The following CSPP1 variants were observed in gnomAD, a reference collection of about 807,000 sequenced individuals.
The protein encoded by CSPP1 is centrosome and spindle pole associated protein 1, also known as centrosome and spindle pole-associated protein 1.
In CSPP1, 126 loss-of-function variants were observed where a neutral mutation model predicts 164.4. That is an observed-to-expected ratio of 0.77 (90% CI 0.66 to 0.89). CSPP1 has a LOEUF of 0.89. CSPP1 is among the 40% of genes least tolerant of loss of function. The pLI, the probability that CSPP1 is intolerant of heterozygous loss-of-function variation, is 0.00. For synonymous variants in CSPP1, 472 were observed against 476.7 expected, an observed-to-expected ratio of 0.99 and a Z score of 0.13; for missense variants, 1,395 against 1,449.8, an observed-to-expected ratio of 0.96 and a Z score of 0.61.
In CSPP1 at chr8:67,115,952, C is replaced by T; in HGVS notation, c.1326C>T (p.His442=). The change falls in exon 13 of 31, where the codon CAC becomes CAT. Residue 442 remains histidine (H), a synonymous_variant. Coordinates refer to ENST00000678616, the MANE Select transcript of CSPP1 (RefSeq NM_001382391.1). ...RLKQFSVAPR[H]FEEMIPPERP... ...AGCAGTTTAGTGTGGCACCAAGACACTTTGAAGAGATGATACCACCTGAAA... is the reference window on the plus strand; with the variant it reads ...AGCAGTTTAGTGTGGCACCAAGACATTTTGAAGAGATGATACCACCTGAAA... 6.2e-7 allele frequency: 1 copy of T among 1,613,946 alleles called. No individual in the cohort carries two copies. The highest frequency in any genetic ancestry group is 1.3e-5 in the African/African-American group (1 of 74,984).
intron 15 of CSPP1, among the ~76,000 whole-genome samples, chr8:67,122,411 T>C (rs1158496521): frequency 6.6e-6 from 1 of 152,242 alleles, no homozygotes; most frequent in African/African-American, 2.4e-5. Flanking sequence ...CTACATCCCT[T>C]AAGTTTTGGT....
At chr8:67,172,385 G>A in intron 24 of CSPP1, 31 bp from the exon 25 acceptor site, 1 of 1,577,946 alleles carries the variant, frequency 6.3e-7, no homozygotes, top group East Asian at 2.2e-5. Context: ...TTCCTGTGAA[G>A]CACATATTAT....
intron 4 of CSPP1, among the ~76,000 whole-genome samples, chr8:67,090,347 C>A (rs1811352697): frequency 6.6e-6 from 1 of 152,064 alleles, no homozygotes; most frequent in South Asian, 2.1e-4. Context: ...TGCGGTGGTG[C>A]TGATCTTGGC....
chr8:67,088,645 C>T (rs1199009995), intron 4 of CSPP1, among the ~76,000 whole-genome samples: 6 of 149,104 alleles, frequency 4.0e-5, no homozygotes, highest in Non-Finnish European at 8.9e-5. Flanking sequence ...GCCTGTAATC[C>T]CAGTACTTTG....
At chr8:67,179,993 C>G in intron 28 of CSPP1, 67 bp downstream of exon 28, 1 of 872,370 alleles carries the variant, frequency 1.1e-6, no homozygotes, top group Non-Finnish European at 1.9e-6. Context: ...ACTTAAAAAC[C>G]AGTACTGTAT....
intron 8 of CSPP1, 66 bp downstream of exon 8, chr8:67,103,201 T>G: frequency 1.1e-6 from 1 of 913,892 alleles, no homozygotes. Context: ...TGCCTAAAAC[T>G]GGCTAACTGA....
At chr8:67,075,364 G>A (rs1373493414) in intron 2 of CSPP1, among the ~76,000 whole-genome samples, 5 of 151,044 alleles carry the variant, frequency 3.3e-5, no homozygotes, top group African/African-American at 1.2e-4. Context: ...CTGTTGTCCA[G>A]TGTTTTTTTC....
At chr8:67,135,809 C>G (rs1488853765) in intron 16 of CSPP1, 2 of 152,160 alleles carry the variant, frequency 1.3e-5, no homozygotes, top group East Asian at 3.9e-4. Context: ...TTCAGCCTGT[C>G]TATGCATTTG....
At chr8:67,125,515 A>AT (rs1819879118) in intron 15 of CSPP1, among the ~76,000 whole-genome samples, 2 of 151,800 alleles carry the variant, frequency 1.3e-5, no homozygotes, top group Admixed American at 1.3e-4. Context: ...TTTGCCCATT[A>AT]TTTTTTCCAA....
chr8:67,146,703 T>C (rs971994955), intron 17 of CSPP1, among the ~76,000 whole-genome samples: 1 of 152,218 alleles, frequency 6.6e-6, no homozygotes, highest in Admixed American at 6.5e-5. Context: ...TATTTTGATA[T>C]GTATTTTCCA....
rs190477728 is a variant in CSPP1, at chr8:67,145,825, C to T, written c.1976-3958C>T. ...GGCATGAGCCACCGTGCCCAGCCCC[C>T]TTTTCTAATTTTTTAATGTCGATGC... On this transcript the variant is annotated intron_variant, in intron 17 of 30. Coordinates refer to ENST00000678616, the MANE Select transcript of CSPP1 (RefSeq NM_001382391.1). Among the ~76,000 whole-genome samples the T allele has an allele frequency of 1.1e-4, 17 of 152,032 alleles. No individual in the cohort carries two copies. The East Asian group carries it at 3.1e-3, about 28-fold the overall frequency.
At chr8:67,191,477 T>C (rs1221687564) in intron 29 of CSPP1, among the ~76,000 whole-genome samples, 1 of 152,262 alleles carries the variant, frequency 6.6e-6, no homozygotes, top group East Asian at 1.9e-4. Context: ...ACCAGTCTAC[T>C]TTGGTTTCTA....
intron 21 of CSPP1, among the ~76,000 whole-genome samples, chr8:67,161,601 G>A (rs781722870): frequency 4.5e-4 from 68 of 151,990 alleles, no homozygotes; most frequent in African/African-American, 1.3e-3. Context: ...TAATAAAGAT[G>A]TCTAAATCCA....
intron 28 of CSPP1, among the ~76,000 whole-genome samples, chr8:67,184,823 G>C (rs1834034198): frequency 6.7e-6 from 1 of 149,484 alleles, no homozygotes; most frequent in South Asian, 2.1e-4. Context: ...CAGTCGGCCG[G>C]GCACGGTGGC....
rs138825611 is a variant in CSPP1, at chr8:67,162,035, G to A, written c.2643+120G>A. On this transcript the variant is annotated intron_variant, in intron 22 of 30. Transcript: ENST00000678616. ...TAAATTTTTTCAGATCTGAAATATA[G>A]GTGATATCTACAGTAATTTGCCTGC... The A allele has an allele frequency of 6.0e-4, 393 of 659,448 alleles. 3 individuals carry two copies. The African/African-American group carries it at 6.7e-3, about 11-fold the overall frequency. The allele number at this position is 659,448 out of a possible 1,614,324, so 40.8% of individuals were successfully genotyped here.
At chr8:67,103,985 T>C (rs769731179) in intron 8 of CSPP1, among the ~76,000 whole-genome samples, 1 of 152,184 alleles carries the variant, frequency 6.6e-6, no homozygotes, top group Non-Finnish European at 1.5e-5. Flanking sequence ...TCTGTCATGT[T>C]GAAAGGAAAT....
intron 15 of CSPP1, among the ~76,000 whole-genome samples, chr8:67,126,274 A>G (rs1454413188): frequency 1.3e-5 from 2 of 152,222 alleles, no homozygotes; most frequent in East Asian, 3.8e-4. Context: ...TGTATGGCTT[A>G]TAATTCTCTA....
At chr8:67,120,223 T>C (rs1262347949) in intron 15 of CSPP1, among the ~76,000 whole-genome samples, 1 of 152,202 alleles carries the variant, frequency 6.6e-6, no homozygotes, top group Admixed American at 6.5e-5. Context: ...TTTCCCTTGG[T>C]GTGTATGTCT....
chr8:67,126,219 A>G (rs998043815), intron 15 of CSPP1, among the ~76,000 whole-genome samples: 3 of 152,238 alleles, frequency 2.0e-5, no homozygotes, highest in Non-Finnish European at 4.4e-5. Context: ...AATACAAGGC[A>G]TGGGATTCCT....
Sources: gnomAD v4.1 joint callset for allele counts (sites outside exome capture counted in the v4.1 genomes callset) on GRCh38, gnomAD v4.1.1 for gene constraint, MANE v1.5 for transcripts, NCBI Gene and HGNC (gene_info 2026-07-23, HGNC 2026-07-21) for gene names.